FOCAD: variants seen among roughly 807,000 people sequenced by gnomAD.
The protein encoded by FOCAD is focadhesin, also known as KIAA1797.
A neutral mutation model predicts 225.6 loss-of-function variants in FOCAD; 198 were observed. The observed-to-expected ratio is 0.88, with a 90% CI of 0.78 to 0.99. FOCAD has a LOEUF of 0.99. Ranked by LOEUF, FOCAD falls within the 50% of genes least tolerant of loss-of-function variation. The pLI is 0.00. For synonymous variants in FOCAD, 897 were observed against 755.0 expected, an observed-to-expected ratio of 1.19 and a Z score of -3.08; for missense variants, 2,713 against 2,123.6, an observed-to-expected ratio of 1.28 and a Z score of -5.46.
At chr9:20,769,900 A>G (rs933814958) in intron 7 of FOCAD, 132 bp from the exon 8 acceptor site, 1 of 748,482 alleles carries the variant, frequency 1.3e-6, no homozygotes, top group Non-Finnish European at 2.1e-6. Context: ...GAGTTCTGTA[A>G]CTTTTTTTCA....
rs150555461 is a variant in FOCAD at position 20,881,961 on chromosome 9, G to A, written c.2408G>A (p.Arg803His). 4.3e-6 allele frequency: 7 copies of A among 1,613,884 alleles called. No individual in the cohort carries two copies. Among genetic ancestry groups the A allele is most frequent in the Non-Finnish European group, 4.2e-6 (5 of 1,179,864 alleles). ...CACTCTGCATTAAAAGGAGGTGCCC[G>A]CTCAGACCAAGGAAAGACTGTAGCA... is the stretch of plus-strand genomic sequence containing the variant. ...IYHSALKGGA[R>H]SDQGKTVAGI... Residue 803 changes from arginine to histidine, a missense_variant, in exon 20 of 44, where the codon CGC becomes CAC. By Grantham distance (29) the Arg-to-His change is conservative. Transcript: ENST00000338382.
intron 35 of FOCAD, among the ~76,000 whole-genome samples, chr9:20,972,774 G>T (rs915955090): frequency 6.6e-6 from 1 of 151,872 alleles, no homozygotes; most frequent in African/African-American, 2.4e-5. Flanking sequence ...TTTTCCTTCT[G>T]TTGACTCTGC....
rs756726577 is a variant in FOCAD at position 20,953,009 on chromosome 9, C to T, written c.4076C>T (p.Pro1359Leu). ...GTTCCTACTGACTATAGCTACTTGC[C>T]TGAAAGCAGTTTTATTGGAGCAGCT... ...ASVPTDYSYLPESSFIGAAIG... is the reference protein window; with the variant it reads ...ASVPTDYSYLLESSFIGAAIG... The change falls in exon 35 of 44, where the codon CCT becomes CTT. Residue 1359 changes from proline (P) to leucine (L), a missense_variant. Pro to Leu is a moderately conservative substitution (Grantham distance 98). Coordinates refer to ENST00000338382, the MANE Select transcript of FOCAD (RefSeq NM_001375567.1). The T allele has an allele frequency of 2.5e-6, 4 of 1,613,612 alleles. No individual in the cohort carries two copies. The highest frequency in any genetic ancestry group is 8.5e-7 in the Non-Finnish European group (1 of 1,179,788).
At chr9:20,978,211 C>T in intron 36 of FOCAD, 128 bp from the exon 37 acceptor site, 1 of 560,282 alleles carries the variant, frequency 1.8e-6, no homozygotes, top group Non-Finnish European at 3.2e-6. Context: ...AATATCTCTT[C>T]TGGTTTACTG....
intron 6 of FOCAD, among the ~76,000 whole-genome samples, chr9:20,762,017 G>A (rs973753087): frequency 2.0e-5 from 3 of 152,074 alleles, no homozygotes; most frequent in Admixed American, 2.0e-4. Context: ...TTGTCCTTAA[G>A]GAAGTTCAAC....
intron 23 of FOCAD, 76 bp downstream of exon 23, chr9:20,913,030 G>C (rs1833568803): frequency 5.7e-6 from 7 of 1,222,380 alleles, no homozygotes; most frequent in African/African-American, 3.0e-5. Context: ...TACTTTAAAG[G>C]CTTTAAGATT....
chr9:20,929,337 T>G (rs1184998797), intron 26 of FOCAD, 21 bp from the exon 27 acceptor site: 1 of 1,600,106 alleles, frequency 6.2e-7, no homozygotes, highest in African/African-American at 1.3e-5. Context: ...AACCCTGTTT[T>G]CTTTCTTTGG....
chr9:20,660,230 C>G (rs113154960), intron 2 of FOCAD, among the ~76,000 whole-genome samples: 2,143 of 152,224 alleles, frequency 0.014, 49 homozygotes, highest in African/African-American at 0.049. Context: ...TAACACTTAA[C>G]CTAGGGCTTA....
At position 20,966,530 on chromosome 9, in the gene FOCAD, A is replaced by G. The variant is rs145953584; in HGVS notation, c.4133-9890A>G. On this transcript the variant is annotated intron_variant, in intron 35 of 43. Transcript: ENST00000338382. ...AAGTTTTTAACTTCGACAGAGTCCAATTTATCTGCTTTTCTTTTGTTGCTC... is the reference window on the plus strand; with the variant it reads ...AAGTTTTTAACTTCGACAGAGTCCAGTTTATCTGCTTTTCTTTTGTTGCTC... Among the ~76,000 whole-genome samples, 839 of 152,198 alleles carry G rather than the reference A, an allele frequency of 5.5e-3. 2 individuals carry two copies. Among genetic ancestry groups the G allele is most frequent in the Non-Finnish European group, 9.1e-3 (617 of 67,988 alleles).
At chr9:20,985,383 C>T (rs1324818579) in intron 39 of FOCAD, among the ~76,000 whole-genome samples, 1 of 152,154 alleles carries the variant, frequency 6.6e-6, no homozygotes, top group Non-Finnish European at 1.5e-5. Context: ...CTGCCAGGCT[C>T]ATAGAAGCAG....
At chr9:20,976,125 T>C (rs1312230366) in intron 35 of FOCAD, among the ~76,000 whole-genome samples, 1 of 152,168 alleles carries the variant, frequency 6.6e-6, no homozygotes, top group Admixed American at 6.6e-5. Flanking sequence ...TTATTTATCC[T>C]GATGTGTTCA....
chr9:20,832,150 A>C (rs1044162728), intron 15 of FOCAD, among the ~76,000 whole-genome samples: 1 of 152,056 alleles, frequency 6.6e-6, no homozygotes, highest in Non-Finnish European at 1.5e-5. Flanking sequence ...GCCTTCATGT[A>C]CAAGCTTTCA....
intron 33 of FOCAD, 124 bp from the exon 34 acceptor site, chr9:20,950,872 A>C: frequency 2.7e-6 from 2 of 739,000 alleles, no homozygotes; most frequent in Non-Finnish European, 4.9e-6. Flanking sequence ...ATCTTGTCAT[A>C]GGACTGCTCG....
chr9:20,881,843 C>T lies in FOCAD; in HGVS notation c.2318-28C>T, dbSNP rs1564107160. On this transcript the variant is annotated intron_variant, in intron 19 of 43. Coordinates refer to ENST00000338382, the MANE Select transcript of FOCAD (RefSeq NM_001375567.1). ...CTTCTAGCTTATTGTATTTACTCTA[C>T]TTTTGGTCTCCTTTTATCCTCTTTT... The T allele has an allele frequency of 1.9e-6, 3 of 1,601,432 alleles. No homozygotes were observed. In the South Asian group the frequency reaches 3.4e-5, roughly 18 times the overall value.
At chr9:20,928,973 C>G (rs1319055971) in intron 26 of FOCAD, 3 of 156,626 alleles carry the variant, frequency 1.9e-5, no homozygotes, top group Admixed American at 6.4e-5. Context: ...CTGGTTTGTC[C>G]AAGCTCAGAT....
intron 21 of FOCAD, among the ~76,000 whole-genome samples, chr9:20,886,700 C>T (rs1831128774): frequency 6.6e-6 from 1 of 152,082 alleles, no homozygotes; most frequent in Non-Finnish European, 1.5e-5. Context: ...GCGTATTGGA[C>T]AGAATTCTGC....
intron 1 of FOCAD, among the ~76,000 whole-genome samples, chr9:20,708,840 C>T (rs568619018): frequency 1.3e-5 from 2 of 151,942 alleles, no homozygotes; most frequent in Non-Finnish European, 2.9e-5. Flanking sequence ...GCCCTTGAGC[C>T]GTTCCTATAT....
At position 20,929,404 on chromosome 9, in the gene FOCAD, C is replaced by T. The variant is rs1835257470; in HGVS notation, c.3125C>T (p.Ala1042Val). 6.2e-7 allele frequency: 1 copy of T among 1,614,108 alleles called. No homozygotes were observed. The highest frequency in any genetic ancestry group is 8.5e-7 in the Non-Finnish European group (1 of 1,180,022). ...ENTASAIARS[A>V]AATALSLLVP... ...ACAGCTAGTGCCATTGCCCGTTCTG[C>T]TGCCGCCACGGCTTTGTCTCTCCTT... The change falls in exon 27 of 44, where the codon GCT becomes GTT. Residue 1042 changes from alanine to valine, a missense_variant. By Grantham distance (64) the Ala-to-Val change is moderately conservative (BLOSUM62 0). Transcript: ENST00000338382.
intron 24 of FOCAD, among the ~76,000 whole-genome samples, chr9:20,922,202 A>G (rs1460729495): frequency 6.6e-6 from 1 of 152,186 alleles, no homozygotes; most frequent in Non-Finnish European, 1.5e-5. Flanking sequence ...TTCTCTTTGT[A>G]GAACTCTAGC....
Sources: gnomAD v4.1 joint callset for allele counts (sites outside exome capture counted in the v4.1 genomes callset) on GRCh38, gnomAD v4.1.1 for gene constraint, MANE v1.5 for transcripts, NCBI Gene and HGNC (gene_info 2026-07-23, HGNC 2026-07-21) for gene names.